The following CYRIA variants were observed in gnomAD, a reference collection of about 807,000 sequenced individuals.
CYRIA encodes CYFIP-related Rac1 interactor A.
In CYRIA, 15 loss-of-function variants were observed where a neutral mutation model predicts 43.9. That is an observed-to-expected ratio of 0.34 (90% CI 0.23 to 0.53). CYRIA has a LOEUF of 0.53. Among genes scored for constraint, CYRIA ranks in the 20% least tolerant of loss-of-function variants. The probability of loss-of-function intolerance (pLI) is 0.94; values close to 1 mark genes in which losing one functional copy is unlikely to be tolerated. For synonymous variants in CYRIA, 117 were observed against 136.0 expected (o/e 0.86, Z 0.97); for missense variants, 236 against 394.2 (o/e 0.60, Z 3.40).
At chr2:16,573,648 T>A (rs1667220444) in intron 3 of CYRIA, among the ~76,000 whole-genome samples, 2 of 152,330 alleles carry the variant, frequency 1.3e-5, no homozygotes, top group Non-Finnish European at 2.9e-5. Context: ...TTTCCCATGC[T>A]ATTCTTGTGA....
intron 3 of CYRIA, among the ~76,000 whole-genome samples, chr2:16,566,264 A>G (rs1321589936): frequency 6.6e-6 from 1 of 151,970 alleles, no homozygotes; most frequent in Non-Finnish European, 1.5e-5. Flanking sequence ...CCATCGCCAC[A>G]CTCCATCTCC....
intron 2 of CYRIA, among the ~76,000 whole-genome samples, chr2:16,592,598 T>C (rs945761628): frequency 6.6e-6 from 1 of 152,174 alleles, no homozygotes; most frequent in Non-Finnish European, 1.5e-5. Context: ...CCATGCATCG[T>C]AAGCTGGGAC....
chr2:16,647,570 A>G (rs1325611057), intron 1 of CYRIA, among the ~76,000 whole-genome samples: 1 of 152,188 alleles, frequency 6.6e-6, no homozygotes, highest in Non-Finnish European at 1.5e-5. Flanking sequence ...ATCAAAACCC[A>G]TACTACAAGG....
chr2:16,627,669 G>A (rs567130010), intron 1 of CYRIA, among the ~76,000 whole-genome samples: 3 of 152,168 alleles, frequency 2.0e-5, no homozygotes, highest in African/African-American at 4.8e-5. Context: ...GAAAGAAAGA[G>A]AATAAAGCAA....
At chr2:16,580,259 C>T (rs1006283874) in intron 3 of CYRIA, among the ~76,000 whole-genome samples, 2 of 152,042 alleles carry the variant, frequency 1.3e-5, no homozygotes, top group Admixed American at 6.6e-5. Context: ...CAGATATTAT[C>T]AGCCTGGATG....
intron 3 of CYRIA, among the ~76,000 whole-genome samples, chr2:16,581,994 C>G (rs923887022): frequency 1.3e-5 from 2 of 152,094 alleles, no homozygotes; most frequent in Admixed American, 1.3e-4. Context: ...TATAGATTAG[C>G]TAAATTAGAC....
chr2:16,621,052 C>T (rs1668976917), intron 2 of CYRIA, among the ~76,000 whole-genome samples: 1 of 152,210 alleles, frequency 6.6e-6, no homozygotes, highest in Admixed American at 6.5e-5. Context: ...TGTTGTCTAG[C>T]CATTAGTGCG....
intron 10 of CYRIA, among the ~76,000 whole-genome samples, chr2:16,556,387 A>G (rs968921283): frequency 6.6e-6 from 1 of 152,122 alleles, no homozygotes; most frequent in African/African-American, 2.4e-5. Flanking sequence ...AGGCCCAGGG[A>G]TGCAGAGATT....
In CYRIA at chr2:16,560,976, C is replaced by G. The variant is rs1187014380; in HGVS notation, c.710+14G>C. 6.2e-7 allele frequency: 1 copy of G among 1,611,690 alleles called. No individual in the cohort carries two copies. The highest frequency in any genetic ancestry group is 8.5e-7 in the Non-Finnish European group (1 of 1,178,004). On this transcript the variant is annotated intron_variant, in intron 9 of 11. Coordinates refer to ENST00000381323, the MANE Select transcript of CYRIA (RefSeq NM_030797.4). ...TGAAGTCTCAACCACGAATACATCT[C>G]TGATTTAACTTACGGAGTTTCCAGC...
intron 3 of CYRIA, among the ~76,000 whole-genome samples, chr2:16,585,435 T>C (rs551791615): frequency 6.6e-6 from 1 of 152,280 alleles, no homozygotes; most frequent in African/African-American, 2.4e-5. Context: ...ACCCTAGTTA[T>C]TTATCTTCTC....
intron 3 of CYRIA, among the ~76,000 whole-genome samples, chr2:16,580,147 T>C (rs1667502474): frequency 6.6e-6 from 1 of 151,954 alleles, no homozygotes; most frequent in South Asian, 2.1e-4. Flanking sequence ...GAGGTCTCGC[T>C]TTGTTGCCCA....
At chr2:16,570,560 T>C (rs1188383760) in intron 3 of CYRIA, among the ~76,000 whole-genome samples, 2 of 152,204 alleles carry the variant, frequency 1.3e-5, no homozygotes, top group Non-Finnish European at 2.9e-5. Context: ...GTGGTGAACA[T>C]GTTTTTGAAA....
At chr2:16,623,414 G>A (rs929780167) in intron 2 of CYRIA, among the ~76,000 whole-genome samples, 8 of 152,154 alleles carry the variant, frequency 5.3e-5, no homozygotes, top group Non-Finnish European at 1.0e-4. Context: ...TGCTGTAAGC[G>A]CCCTTGGATG....
intron 10 of CYRIA, among the ~76,000 whole-genome samples, chr2:16,556,323 G>A (rs1666523176): frequency 1.3e-5 from 2 of 152,084 alleles, no homozygotes; most frequent in African/African-American, 4.8e-5. Flanking sequence ...ATACCGGATT[G>A]GGAGAAGCTA....
intron 3 of CYRIA, among the ~76,000 whole-genome samples, chr2:16,573,159 T>A (rs1667204218): frequency 6.6e-6 from 1 of 152,208 alleles, no homozygotes; most frequent in Non-Finnish European, 1.5e-5. Flanking sequence ...GTTCCTCAGC[T>A]TACATTTCAT....
In CYRIA at chr2:16,575,433, A is replaced by G. The variant is rs564864860; in HGVS notation, c.71-9666T>C. Among the ~76,000 whole-genome samples the G allele has an allele frequency of 2.6e-5, 4 of 152,112 alleles. No homozygotes were observed. The South Asian group carries it at 8.3e-4, about 32-fold the overall frequency. On this transcript the variant is annotated intron_variant, in intron 3 of 11. Transcript: ENST00000381323. ...TATGATTTGGCTGTGTCCCCACCCA[A>G]ATCTCATCTTGAATTCCCACATGTT...
chr2:16,646,540 C>G (rs1353916746), intron 1 of CYRIA, among the ~76,000 whole-genome samples: 1 of 152,166 alleles, frequency 6.6e-6, no homozygotes, highest in Non-Finnish European at 1.5e-5. Flanking sequence ...AGAGAAGCCA[C>G]GTGCAGTGTG....
chr2:16,636,522 A>G (rs10168279), intron 1 of CYRIA, among the ~76,000 whole-genome samples: 33,794 of 152,082 alleles, frequency 0.22, 6,547 homozygotes, highest in East Asian at 0.61. Context: ...ATAGGAGGCC[A>G]ACTGCCCCAG....
At chr2:16,580,654 T>C (rs1394746764) in intron 3 of CYRIA, among the ~76,000 whole-genome samples, 1 of 152,154 alleles carries the variant, frequency 6.6e-6, no homozygotes, top group East Asian at 1.9e-4. Context: ...TTAGAAAATT[T>C]ACTTAGAAAA....
Sources: allele counts gnomAD v4.1 joint callset (sites outside exome capture counted in the v4.1 genomes callset), GRCh38; gene constraint gnomAD v4.1.1; transcripts MANE v1.5; gene names NCBI Gene and HGNC (gene_info 2026-07-23, HGNC 2026-07-21).